The following ZNF148 variants were observed in gnomAD, a reference collection of about 807,000 sequenced individuals.
ZNF148 encodes the protein zinc finger protein 148.
Under a neutral mutation model 67.7 loss-of-function variants are expected in ZNF148, and 7 were observed. That is an observed-to-expected ratio of 0.10 (90% CI 0.06 to 0.19). The LOEUF is 0.19. ZNF148 is among the 10% of genes least tolerant of loss of function. The probability of loss-of-function intolerance (pLI) is 1.00; values close to 1 mark genes in which losing one functional copy is unlikely to be tolerated. For synonymous variants in ZNF148, 333 were observed against 330.7 expected, an observed-to-expected ratio of 1.01 and a Z score of -0.08; for missense variants, 583 against 947.1, an observed-to-expected ratio of 0.62 and a Z score of 5.05.
intron 7 of ZNF148, among the ~76,000 whole-genome samples, chr3:125,235,104 G>C (rs906654971): frequency 2.6e-5 from 4 of 152,118 alleles, no homozygotes; most frequent in African/African-American, 9.7e-5. Context: ...GTAAACAGAA[G>C]GGTATGACAA....
chr3:125,275,633 T>A (rs974017736), intron 7 of ZNF148, among the ~76,000 whole-genome samples: 1 of 152,218 alleles, frequency 6.6e-6, no homozygotes, highest in Non-Finnish European at 1.5e-5. Context: ...GAGGACTAAA[T>A]GAGATATTTA....
At chr3:125,234,635 T>G (rs1037923063) in intron 7 of ZNF148, among the ~76,000 whole-genome samples, 2 of 152,134 alleles carry the variant, frequency 1.3e-5, no homozygotes, top group African/African-American at 4.8e-5. Flanking sequence ...GTTTCTAATC[T>G]TTTTTTCAAT....
chr3:125,271,725 G>A (rs1411334133), intron 7 of ZNF148, among the ~76,000 whole-genome samples: 1 of 152,140 alleles, frequency 6.6e-6, no homozygotes, highest in Non-Finnish European at 1.5e-5. Flanking sequence ...TGGAGAACAG[G>A]TACTCAATAA....
At position 125,370,379 on chromosome 3, in the gene ZNF148, A is replaced by G. The variant is rs1371345021; in HGVS notation, c.-234+4723T>C. 3.3e-5 allele frequency among the ~76,000 whole-genome samples: 5 copies of G among 152,302 alleles called. No homozygotes were observed. In the East Asian group the frequency reaches 9.6e-4, roughly 29 times the overall value. Reference sequence around the variant, plus strand: ...CTCAGCAATTTCATACAATCCCACTATTATCACTAACAGTGAACACTACTT... The same window carrying G: ...CTCAGCAATTTCATACAATCCCACTGTTATCACTAACAGTGAACACTACTT... On this transcript the variant is annotated intron_variant, in intron 1 of 8. Coordinates refer to ENST00000360647, the MANE Select transcript of ZNF148 (RefSeq NM_021964.3).
intron 1 of ZNF148, among the ~76,000 whole-genome samples, chr3:125,354,789 A>T (rs148429483): frequency 1.3e-5 from 2 of 152,364 alleles, no homozygotes; most frequent in Non-Finnish European, 2.9e-5. Context: ...ACATTTTCTT[A>T]AAAAGCAGCC....
chr3:125,340,932 G>C (rs1397244077), intron 1 of ZNF148, among the ~76,000 whole-genome samples: 2 of 140,944 alleles, frequency 1.4e-5, no homozygotes, highest in African/African-American at 5.3e-5. Flanking sequence ...AGCTTGCAGT[G>C]AGCCGAGATC....
Position 125,229,647 on chromosome 3 carries a change from G to GT in ZNF148, c.*2693dup, listed in dbSNP as rs1490012016. ...TCAGATTGATCAAAAGTTTAAGGGT[G>GT]TACCAGCATGTTTTTATAGAACAAT... is the stretch of plus-strand genomic sequence containing the variant. On this transcript the variant is annotated 3_prime_UTR_variant, in exon 9 of 9. Transcript: ENST00000360647. 6.6e-6 allele frequency: 1 copy of GT among 152,134 alleles called. No homozygotes were observed. The highest frequency in any genetic ancestry group is 2.4e-5 in the African/African-American group (1 of 41,424). 9.4% of individuals were successfully genotyped at this position (152,134 alleles called of 1,614,324 possible).
intron 7 of ZNF148, among the ~76,000 whole-genome samples, chr3:125,267,770 A>T (rs1457869267): frequency 6.6e-6 from 1 of 152,236 alleles, no homozygotes; most frequent in East Asian, 1.9e-4. Flanking sequence ...TCCAAATAGG[A>T]AAAGAGACAC....
At chr3:125,366,155 A>G (rs1230974459) in intron 1 of ZNF148, among the ~76,000 whole-genome samples, 8 of 144,602 alleles carry the variant, frequency 5.5e-5, no homozygotes, top group Admixed American at 2.7e-4. Context: ...CTTTAATCAT[A>G]TGTTAACATA....
intron 3 of ZNF148, among the ~76,000 whole-genome samples, chr3:125,317,171 G>A (rs903571069): frequency 6.6e-6 from 1 of 152,048 alleles, no homozygotes; most frequent in African/African-American, 2.4e-5. Context: ...CATATATTTG[G>A]AGTTAAACTG....
chr3:125,245,680 A>G (rs1286899810), intron 7 of ZNF148, among the ~76,000 whole-genome samples: 1 of 152,092 alleles, frequency 6.6e-6, no homozygotes, highest in Non-Finnish European at 1.5e-5. Context: ...CTAAATACCT[A>G]TCAAATCTGT....
intron 1 of ZNF148, among the ~76,000 whole-genome samples, chr3:125,340,573 A>T (rs531974936): frequency 6.6e-6 from 1 of 152,240 alleles, no homozygotes; most frequent in Non-Finnish European, 1.5e-5. Context: ...GAGCTCCAGT[A>T]GGATCAAACA....
intron 1 of ZNF148, among the ~76,000 whole-genome samples, chr3:125,341,552 T>G (rs917514306): frequency 6.6e-6 from 1 of 151,290 alleles, no homozygotes; most frequent in Non-Finnish European, 1.5e-5. Context: ...GCCTGGGAGG[T>G]CAGAGCGGTA....
At chr3:125,345,084 G>C (rs1417586492) in intron 1 of ZNF148, among the ~76,000 whole-genome samples, 1 of 152,122 alleles carries the variant, frequency 6.6e-6, no homozygotes, top group African/African-American at 2.4e-5. Flanking sequence ...GACATATGTA[G>C]AGAATATTCC....
chr3:125,266,055 C>A (rs1448338784), intron 7 of ZNF148, among the ~76,000 whole-genome samples: 1 of 152,054 alleles, frequency 6.6e-6, no homozygotes, highest in East Asian at 1.9e-4. Context: ...AAAATTGGAG[C>A]ACCTAGATTC....
At chr3:125,261,464 G>A (rs953601505) in intron 7 of ZNF148, among the ~76,000 whole-genome samples, 3 of 152,094 alleles carry the variant, frequency 2.0e-5, no homozygotes, top group Non-Finnish European at 4.4e-5. Context: ...GTATGAGAGG[G>A]CAAGGGTATG....
At chr3:125,269,087 G>A (rs901857644) in intron 7 of ZNF148, among the ~76,000 whole-genome samples, 2 of 151,432 alleles carry the variant, frequency 1.3e-5, no homozygotes, top group Non-Finnish European at 2.9e-5. Context: ...TATGAAAAAG[G>A]TCAGGCACAG....
intron 1 of ZNF148, among the ~76,000 whole-genome samples, chr3:125,351,181 T>G (rs927955651): frequency 1.7e-4 from 26 of 152,034 alleles, no homozygotes; most frequent in Admixed American, 6.5e-5. Context: ...CACTCCAGCC[T>G]GGGCAACAGA....
chr3:125,339,931 C>A (rs934979934), intron 1 of ZNF148, among the ~76,000 whole-genome samples: 1 of 152,120 alleles, frequency 6.6e-6, no homozygotes, highest in African/African-American at 2.4e-5. Flanking sequence ...GCTGAAATAA[C>A]TGCCTGGATT....
Sources: allele counts gnomAD v4.1 joint callset (sites outside exome capture counted in the v4.1 genomes callset), GRCh38; gene constraint gnomAD v4.1.1; transcripts MANE v1.5; gene names NCBI Gene and HGNC (gene_info 2026-07-23, HGNC 2026-07-21).